Variants in BIRC6 observed in about 807,000 individuals in gnomAD.
BIRC6 encodes the protein dual E2 ubiquitin-conjugating enzyme/E3 ubiquitin-protein ligase BIRC6.
Under a neutral mutation model 503.3 loss-of-function variants are expected in BIRC6, and 98 were observed. That is an observed-to-expected ratio of 0.19 (90% CI 0.17 to 0.23). BIRC6 has a LOEUF of 0.23. Among genes scored for constraint, BIRC6 ranks in the 10% least tolerant of loss-of-function variants. BIRC6 has a pLI of 1.00. For missense variants in BIRC6, 5,360 were observed against 5,806.0 expected (o/e 0.92, Z 2.50); for synonymous variants, 2,240 against 2,078.7 (o/e 1.08, Z -2.11).
At chr2:32,511,143 A>C (rs527467673) in intron 53 of BIRC6, among the ~76,000 whole-genome samples, 4 of 149,582 alleles carry the variant, frequency 2.7e-5, no homozygotes, top group African/African-American at 9.9e-5. Context: ...ATATCATAAC[A>C]TGTAAATGAC....
intron 65 of BIRC6, among the ~76,000 whole-genome samples, chr2:32,559,606 C>G (rs953654930): frequency 6.2e-4 from 94 of 151,730 alleles, no homozygotes; most frequent in Admixed American, 1.1e-3. Flanking sequence ...TGCTTGCTGA[C>G]CACCGGTACA....
chr2:32,580,880 T>C (rs1459573652), intron 66 of BIRC6, among the ~76,000 whole-genome samples: 1 of 152,226 alleles, frequency 6.6e-6, no homozygotes, highest in Non-Finnish European at 1.5e-5. Context: ...CAGATATTTG[T>C]CTTAAAAAGC....
intron 19 of BIRC6, among the ~76,000 whole-genome samples, 197 bp downstream of exon 19, chr2:32,442,652 T>G (rs1245358554): frequency 6.6e-6 from 1 of 152,200 alleles, no homozygotes; most frequent in African/African-American, 2.4e-5. Flanking sequence ...TAAATAAGTC[T>G]ATTTAACTTT....
chr2:32,552,914 TTA>T (rs1365420340), intron 65 of BIRC6, among the ~76,000 whole-genome samples: 1 of 150,038 alleles, frequency 6.7e-6, no homozygotes, highest in African/African-American at 2.4e-5. Context: ...ACTTATATGC[TTA>T]TATTAAGCTG....
chr2:32,370,699 T>A (rs376564854), intron 1 of BIRC6, among the ~76,000 whole-genome samples: 3 of 152,182 alleles, frequency 2.0e-5, no homozygotes, highest in Non-Finnish European at 4.4e-5. Context: ...TTTTAAAAAA[T>A]TTTAAAAATT....
At chr2:32,362,041 GTAAATAC>G (rs1223359937) in intron 1 of BIRC6, among the ~76,000 whole-genome samples, 2 of 152,238 alleles carry the variant, frequency 1.3e-5, no homozygotes, top group East Asian at 3.9e-4. Context: ...AATCATTTGG[GTAAATAC>G]TAAGGAGCTC....
chr2:32,465,204 T>TTTTTTTTTTTTC, intron 26 of BIRC6, 40 bp downstream of exon 26: 2 of 1,010,800 alleles, frequency 2.0e-6, no homozygotes, highest in South Asian at 1.8e-5. Context: ...TTTTTTTTTT[T>TTTTTTTTTTTTC]GCTTAGTCTG....
intron 57 of BIRC6, chr2:32,523,247 T>C (rs1211049232): frequency 1.3e-5 from 2 of 152,164 alleles, no homozygotes; most frequent in African/African-American, 2.4e-5. Flanking sequence ...TAAATTAATA[T>C]TAGAAACCAG....
chr2:32,415,473 G>C lies in BIRC6; in HGVS notation c.2182G>C (p.Glu728Gln). The change falls in exon 10 of 74, where the codon GAG becomes CAG. Residue 728 changes from glutamate to glutamine, a missense_variant. Glu to Gln is a conservative substitution (Grantham distance 29). Coordinates refer to ENST00000421745, the MANE Select transcript of BIRC6 (RefSeq NM_016252.4). ...QCLRLPKFAEEENLCIDSITP... is the reference protein window; with the variant it reads ...QCLRLPKFAEQENLCIDSITP... ...CTTGAGGCTGCCAAAGTTTGCAGAG[G>C]AGGAGAATCTTTGTATAGACTCAAT... 1 of 1,613,980 alleles carries C rather than the reference G, an allele frequency of 6.2e-7. No individual in the cohort carries two copies. The highest frequency in any genetic ancestry group is 8.5e-7 in the Non-Finnish European group (1 of 1,179,890).
chr2:32,436,311 T>C, intron 15 of BIRC6, 127 bp downstream of exon 15: 1 of 813,582 alleles, frequency 1.2e-6, no homozygotes, highest in Non-Finnish European at 1.7e-6. Context: ...TTCATCAGTT[T>C]TCTGGTAGCT....
chr2:32,515,084 A>G lies in BIRC6; in HGVS notation c.10663A>G (p.Asn3555Asp), dbSNP rs1179511573. 1.2e-6 allele frequency: 2 copies of G among 1,613,858 alleles called. No homozygotes were observed. Among genetic ancestry groups the G allele is most frequent in the Non-Finnish European group, 1.7e-6 (2 of 1,179,898 alleles). ...LLCSMCHVHP[N>D]YFSLLMGWMG... is the part of the protein sequence containing the mutation. ...TTGCTCAATGTGTCACGTACACCCA[A>G]ACTATTTTTCTTTGCTCATGGGCTG... Residue 3555 changes from asparagine to aspartate, a missense_variant, in exon 55 of 74, where the codon AAC becomes GAC. Asn to Asp is a conservative substitution (Grantham distance 23, BLOSUM62 1). Coordinates refer to ENST00000421745, the MANE Select transcript of BIRC6 (RefSeq NM_016252.4).
chr2:32,473,511 T>G (rs1174600162), intron 33 of BIRC6, among the ~76,000 whole-genome samples: 2 of 152,062 alleles, frequency 1.3e-5, no homozygotes, highest in Non-Finnish European at 1.5e-5. Context: ...TTTTGCCTAG[T>G]CCAAAAACCT....
At chr2:32,420,532 G>T (rs1010739208) in intron 10 of BIRC6, among the ~76,000 whole-genome samples, 6 of 150,820 alleles carry the variant, frequency 4.0e-5, no homozygotes, top group African/African-American at 1.5e-4. Context: ...TATTTTTTTT[G>T]AGACAGAGTC....
chr2:32,470,463 CAT>C (rs2048991484), intron 31 of BIRC6, among the ~76,000 whole-genome samples, 162 bp downstream of exon 31: 1 of 152,016 alleles, frequency 6.6e-6, no homozygotes, highest in South Asian at 2.1e-4. Context: ...GATTGACTGC[CAT>C]ATAGTTAATA....
At chr2:32,491,617 G>A in intron 44 of BIRC6, 59 bp downstream of exon 44, 2 of 1,506,924 alleles carry the variant, frequency 1.3e-6, no homozygotes, top group Admixed American at 2.0e-5. Context: ...TATTCGTAAT[G>A]TAAAGCTATG....
Position 32,617,739 on chromosome 2 carries a change from G to A in BIRC6, c.14409G>A (p.Gln4803=), listed in dbSNP as rs1273076578. The change falls in exon 74 of 74, where the codon CAG becomes CAA. Residue 4803 remains glutamine (Q), a synonymous_variant. Transcript: ENST00000421745. ...CTCCTGCATAGCGTCACACTGCTCAGCTCCGCGAAGAGTTGCTGAAACTTC... is the reference window on the plus strand; with the variant it reads ...CTCCTGCATAGCGTCACACTGCTCAACTCCGCGAAGAGTTGCTGAAACTTC... ...HAAALKRHTA[Q]LREELLKLPC... is the part of the protein sequence containing the mutation. 2 of 1,613,840 alleles carry A rather than the reference G, an allele frequency of 1.2e-6. No homozygotes were observed. The highest frequency in any genetic ancestry group is 2.7e-5 in the African/African-American group (2 of 74,946).
At chr2:32,518,435 T>C (rs766905683) in intron 56 of BIRC6, 38 bp downstream of exon 56, 19 of 1,572,784 alleles carry the variant, frequency 1.2e-5, no homozygotes, top group Middle Eastern at 1.7e-4. Context: ...TGTGTATACA[T>C]GTATTTTACA....
rs2150038875 is a variant in BIRC6, at chr2:32,532,069, G to C, written c.12291+518G>C. The C allele has an allele frequency of 9.5e-6, 5 of 523,680 alleles. 1 individual carries two copies. Among genetic ancestry groups the C allele is most frequent in the South Asian group, 7.1e-5 (5 of 70,748 alleles). The allele number at this position is 523,680 out of a possible 1,614,324, so 32.4% of individuals were successfully genotyped here. Reference sequence around the variant, plus strand: ...CAGTAGGAAGTATGGTGCATGGAGAGTTGTAAAAACAAAACTTTGTGTTTG... The same window carrying C: ...CAGTAGGAAGTATGGTGCATGGAGACTTGTAAAAACAAAACTTTGTGTTTG... On this transcript the variant is annotated intron_variant, in intron 61 of 73. Transcript: ENST00000421745.
intron 9 of BIRC6, among the ~76,000 whole-genome samples, chr2:32,407,312 G>A (rs1337163927): frequency 6.6e-6 from 1 of 152,042 alleles, no homozygotes; most frequent in African/African-American, 2.4e-5. Context: ...GCCAGGCGTG[G>A]TGGCGCATGC....
Sources: gnomAD v4.1 joint callset for allele counts (sites outside exome capture counted in the v4.1 genomes callset) on GRCh38, gnomAD v4.1.1 for gene constraint, MANE v1.5 for transcripts, NCBI Gene and HGNC (gene_info 2026-07-23, HGNC 2026-07-21) for gene names.